SSBP1: variants seen among roughly 807,000 people sequenced by gnomAD.
The protein encoded by SSBP1 is single-stranded DNA-binding protein, mitochondrial.
Under a neutral mutation model 27.0 loss-of-function variants are expected in SSBP1, and 20 were observed. That is an observed-to-expected ratio of 0.74 (90% confidence interval 0.52 to 1.08). SSBP1 has a LOEUF of 1.08. Among genes scored for constraint, SSBP1 ranks in the 50% least tolerant of loss-of-function variants. The pLI is 0.00. For missense variants in SSBP1, 137 were observed against 182.4 expected, an observed-to-expected ratio of 0.75 and a Z score of 1.44; for synonymous variants, 59 against 59.3, an observed-to-expected ratio of 1.00 and a Z score of 0.02.
At position 141,743,954 on chromosome 7, in the gene SSBP1, C is replaced by T. The variant is rs1451313157; in HGVS notation, c.279C>T (p.Gly93=). 2.5e-6 allele frequency: 4 copies of T among 1,613,212 alleles called. No homozygotes were observed. The highest frequency in any genetic ancestry group is 3.3e-5 in the Admixed American group (2 of 59,966). ...TWHRISVFRP[G]LRDVAYQYVK... Reference sequence around the variant, plus strand: ...ACAGAATATCAGTATTCCGGCCAGGCCTCAGAGACGTGGCATATCAATATG... The same window carrying T: ...ACAGAATATCAGTATTCCGGCCAGGTCTCAGAGACGTGGCATATCAATATG... Residue 93 remains glycine (G), a synonymous_variant, in exon 5 of 7, where the codon GGC becomes GGT. Transcript: ENST00000265304.
At chr7:141,747,370 A>G (rs1168989890) in intron 6 of SSBP1, among the ~76,000 whole-genome samples, 1 of 146,910 alleles carries the variant, frequency 6.8e-6, no homozygotes, top group Non-Finnish European at 1.5e-5. Flanking sequence ...CTTCTGAGAT[A>G]TGCCCAAATT....
Position 141,743,554 on chromosome 7 carries a change from G to A in SSBP1, c.86-7G>A. The A allele has an allele frequency of 6.2e-7, 1 of 1,613,778 alleles. No homozygotes were observed. The highest frequency in any genetic ancestry group is 8.5e-7 in the Non-Finnish European group (1 of 1,179,862). On this transcript the variant is annotated splice_polypyrimidine_tract_variant and splice_region_variant and intron_variant, in intron 3 of 6. Transcript: ENST00000265304. ...TTGTCTCATTTGGTCTTGATGTTGT[G>A]TTTCAGCCCTGAATCGTGTGCACTT... is the stretch of plus-strand genomic sequence containing the variant.
chr7:141,750,140 G>A (rs890509805), intron 6 of SSBP1, among the ~76,000 whole-genome samples, 171 bp from the exon 7 acceptor site: 2 of 152,130 alleles, frequency 1.3e-5, no homozygotes, highest in African/African-American at 4.8e-5. Flanking sequence ...CTCCACTTAT[G>A]CCAACTGTAT....
intron 2 of SSBP1, chr7:141,741,943 C>A: frequency 1.8e-6 from 1 of 567,454 alleles, no homozygotes. Context: ...TTGAGCATGC[C>A]TTCTAGTACC....
intron 6 of SSBP1, chr7:141,746,636 A>G (rs1307689731): frequency 1.3e-5 from 2 of 152,216 alleles, no homozygotes; most frequent in African/African-American, 4.8e-5. Flanking sequence ...ATGAGCCATT[A>G]TGCCCGGCCT....
At chr7:141,745,986 T>C in intron 6 of SSBP1, 1 of 993,814 alleles carries the variant, frequency 1.0e-6, no homozygotes, top group Non-Finnish European at 1.2e-6. Flanking sequence ...CTTTGGTACT[T>C]AGTATGTGAA....
chr7:141,742,204 A>G lies in SSBP1; in HGVS notation c.60A>G (p.Thr20=). 6.2e-7 allele frequency: 1 copy of G among 1,604,800 alleles called. No individual in the cohort carries two copies. Among genetic ancestry groups the G allele is most frequent in the South Asian group, 1.1e-5 (1 of 90,448 alleles). Residue 20 remains threonine (T), a synonymous_variant, in exon 3 of 7, where the codon ACA becomes ACG. Coordinates refer to ENST00000265304, the MANE Select transcript of SSBP1 (RefSeq NM_003143.3). Reference sequence around the variant, plus strand: ...AGTTTGTAAGACATGAGTCCGAAACAACTACCAGTTTGGTTCTTGAAAGAT... The same window carrying G: ...AGTTTGTAAGACATGAGTCCGAAACGACTACCAGTTTGGTTCTTGAAAGAT... ...LRQFVRHESE[T]TTSLVLERSL...
chr7:141,744,818 G>A (rs1260499174), intron 5 of SSBP1, among the ~76,000 whole-genome samples: 1 of 152,124 alleles, frequency 6.6e-6, no homozygotes, highest in Non-Finnish European at 1.5e-5. Context: ...TGTGTGTGGG[G>A]TGGGGAGCAC....
rs547537674 is a variant in SSBP1 at position 141,743,457 on chromosome 7, A to G, written c.86-104A>G. ...TTTAAGGATCCCACTTCCAAATACC[A>G]TTACATTGAGGGTTAGAGCTTCAAC... On this transcript the variant is annotated intron_variant, in intron 3 of 6. Coordinates refer to ENST00000265304, the MANE Select transcript of SSBP1 (RefSeq NM_003143.3). The G allele has an allele frequency of 4.4e-6, 6 of 1,360,394 alleles. No individual in the cohort carries two copies. The African/African-American group carries it at 5.8e-5, about 13-fold the overall frequency. The allele number at this position is 1,360,394 out of a possible 1,614,324, so 84.3% of individuals were successfully genotyped here. A position where few individuals can be genotyped will look rare whatever the true frequency, so the allele number is the denominator to read the frequency against.
rs1380530863 is a variant in SSBP1, at chr7:141,742,044, T to C, written c.25-125T>C. 4 of 711,604 alleles carry C rather than the reference T, an allele frequency of 5.6e-6. No homozygotes were observed. The African/African-American group carries it at 7.1e-5, about 13-fold the overall frequency. 44.1% of individuals were successfully genotyped at this position (711,604 alleles called of 1,614,324 possible). A position where few individuals can be genotyped will look rare whatever the true frequency, so the allele number is the denominator to read the frequency against. On this transcript the variant is annotated intron_variant, in intron 2 of 6. Transcript: ENST00000265304. Reference sequence around the variant, plus strand: ...TCTGTTGGGAGAACATGAGAAGAGCTTCTCTTCTCTTCTGGAATTTTCAGG... The same window carrying C: ...TCTGTTGGGAGAACATGAGAAGAGCCTCTCTTCTCTTCTGGAATTTTCAGG...
At chr7:141,746,023 T>A (rs1432788135) in intron 6 of SSBP1, 4 of 971,166 alleles carry the variant, frequency 4.1e-6, no homozygotes, top group Middle Eastern at 5.2e-4. Context: ...AAGATTTTTT[T>A]AATTTTATTT....
chr7:141,739,212 T>C, intron 2 of SSBP1, 22 bp downstream of exon 2: 1 of 1,571,602 alleles, frequency 6.4e-7, no homozygotes, highest in Non-Finnish European at 8.6e-7. Context: ...TCTGTATTAA[T>C]ACTGAGATGT....
chr7:141,743,907 G>T lies in SSBP1; in HGVS notation c.232G>T (p.Val78Phe). 1 of 1,609,748 alleles carries T rather than the reference G, an allele frequency of 6.2e-7. No homozygotes were observed. The stretch of plus-strand genomic sequence containing the variant: ...TTCCTATTTTTATGATTTAGGTGAT[G>T]TCAGTCAAAAGACAACATGGCACAG... ...GDSEVYQLGDVSQKTTWHRIS... is the reference protein window; with the variant it reads ...GDSEVYQLGDFSQKTTWHRIS... Residue 78 changes from valine to phenylalanine, a missense_variant, in exon 5 of 7, where the codon GTC becomes TTC. Val to Phe is a conservative substitution (Grantham distance 50). Around this residue, in one of 2 missense-constraint regions of SSBP1, gnomAD observed 95 missense variants for 152.0 expected, o/e 0.62. Transcript: ENST00000265304.
At chr7:141,749,912 C>G (rs1451894412) in intron 6 of SSBP1, among the ~76,000 whole-genome samples, 5 of 152,240 alleles carry the variant, frequency 3.3e-5, no homozygotes, top group Non-Finnish European at 5.9e-5. Flanking sequence ...ACTCTTTCCT[C>G]TAGACCCCCA....
chr7:141,745,732 C>G, intron 6 of SSBP1, 148 bp downstream of exon 6: 2 of 1,383,668 alleles, frequency 1.4e-6, no homozygotes, highest in Non-Finnish European at 9.4e-7. Flanking sequence ...TCTTATTTCT[C>G]TACTTGCTAA....
chr7:141,741,465 G>T (rs565582732), intron 2 of SSBP1: 1 of 152,176 alleles, frequency 6.6e-6, no homozygotes, highest in South Asian at 2.1e-4. Flanking sequence ...TGAGAGTAAG[G>T]CTTTGCATTT....
intron 6 of SSBP1, among the ~76,000 whole-genome samples, chr7:141,749,247 T>G (rs945734639): frequency 6.6e-6 from 1 of 152,232 alleles, no homozygotes; most frequent in African/African-American, 2.4e-5. Flanking sequence ...ATAGGTTATA[T>G]GTGATTACTA....
chr7:141,748,133 C>T (rs1374671598), intron 6 of SSBP1, among the ~76,000 whole-genome samples: 1 of 151,520 alleles, frequency 6.6e-6, no homozygotes. Flanking sequence ...ATATCCATGC[C>T]TCCAGCGACT....
intron 6 of SSBP1, among the ~76,000 whole-genome samples, chr7:141,747,383 A>ATTTTTTTT (rs1320451586): frequency 4.2e-5 from 4 of 94,466 alleles, no homozygotes; most frequent in Non-Finnish European, 6.1e-5. Context: ...CCCAAATTAG[A>ATTTTTTTT]TTTTTTTTTT....
Sources: allele counts gnomAD v4.1 joint callset (sites outside exome capture counted in the v4.1 genomes callset), GRCh38; gene constraint gnomAD v4.1.1; regional missense constraint gnomAD v4.1.1; transcripts MANE v1.5; gene names NCBI Gene and HGNC (gene_info 2026-07-23, HGNC 2026-07-21).